The following PTPRD variants were observed in gnomAD, a reference collection of about 807,000 sequenced individuals.
PTPRD encodes the protein receptor-type tyrosine-protein phosphatase delta.
In PTPRD, 34 loss-of-function variants were observed where a neutral mutation model predicts 214.5. The observed-to-expected ratio is 0.16, with a 90% CI of 0.12 to 0.21. The LOEUF is 0.21. PTPRD is among the 10% of genes least tolerant of loss of function. The probability of loss-of-function intolerance (pLI) is 1.00; values close to 1 mark genes in which losing one functional copy is unlikely to be tolerated. For missense variants in PTPRD, 2,545 were observed against 2,398.7 expected, an observed-to-expected ratio of 1.06 and a Z score of -1.27; for synonymous variants, 1,128 against 845.7, an observed-to-expected ratio of 1.33 and a Z score of -5.79.
At chr9:8,329,416 G>T (rs1462625306) in intron 44 of PTPRD, among the ~76,000 whole-genome samples, 2 of 152,124 alleles carry the variant, frequency 1.3e-5, no homozygotes, top group East Asian at 3.9e-4. Flanking sequence ...CCTGCCAGAT[G>T]CCAGCCAGTG....
chr9:10,441,362 A>G (rs2098757234), intron 2 of PTPRD, among the ~76,000 whole-genome samples: 1 of 151,696 alleles, frequency 6.6e-6, no homozygotes, highest in Non-Finnish European at 1.5e-5. Context: ...CAGGCAGTAT[A>G]GGCATTCTGA....
intron 12 of PTPRD, chr9:8,713,168 A>T (rs557947765): frequency 3.6e-6 from 2 of 561,560 alleles, no homozygotes; most frequent in Admixed American, 6.5e-5. Context: ...CTCCTGCATA[A>T]CTGTCAGTGC....
chr9:10,132,518 C>T (rs1368911714), intron 3 of PTPRD, among the ~76,000 whole-genome samples: 2 of 151,852 alleles, frequency 1.3e-5, no homozygotes, highest in East Asian at 1.9e-4. Flanking sequence ...ATACAGAATG[C>T]TTCTTAAGAA....
chr9:8,526,566 G>C, intron 17 of PTPRD, 61 bp downstream of exon 17: 1 of 1,420,954 alleles, frequency 7.0e-7, no homozygotes, highest in South Asian at 1.5e-5. Flanking sequence ...AAGATGAGAG[G>C]GATGAAAGGA....
At chr9:10,122,790 T>C (rs894681709) in intron 3 of PTPRD, among the ~76,000 whole-genome samples, 5 of 152,194 alleles carry the variant, frequency 3.3e-5, no homozygotes, top group East Asian at 1.9e-4. Context: ...CTAAACCATA[T>C]TGACACCTTC....
chr9:9,178,727 T>A (rs568450670), intron 10 of PTPRD, among the ~76,000 whole-genome samples: 40 of 152,194 alleles, frequency 2.6e-4, no homozygotes, highest in African/African-American at 9.1e-4. Context: ...TAGTAAATCA[T>A]TTCAATAAGT....
At chr9:9,172,112 T>G (rs376469733) in intron 10 of PTPRD, among the ~76,000 whole-genome samples, 18 of 152,146 alleles carry the variant, frequency 1.2e-4, no homozygotes, top group African/African-American at 4.3e-4. Flanking sequence ...GTACACTAAG[T>G]ATTCTCTAAG....
intron 21 of PTPRD, among the ~76,000 whole-genome samples, chr9:8,513,167 A>G (rs1481748206): frequency 6.6e-6 from 1 of 152,062 alleles, no homozygotes; most frequent in East Asian, 1.9e-4. Flanking sequence ...TATTTCAGAA[A>G]ATAATCATCT....
At chr9:10,531,544 T>TG (rs1335859866) in intron 2 of PTPRD, among the ~76,000 whole-genome samples, 3 of 152,196 alleles carry the variant, frequency 2.0e-5, no homozygotes, top group African/African-American at 7.2e-5. Context: ...GAAAAAGACT[T>TG]GAAATTTGCT....
chr9:9,203,878 T>C (rs1417830288), intron 9 of PTPRD, among the ~76,000 whole-genome samples: 1 of 152,120 alleles, frequency 6.6e-6, no homozygotes, highest in Non-Finnish European at 1.5e-5. Flanking sequence ...CTAATTTGAG[T>C]GTAGAGTATG....
intron 11 of PTPRD, chr9:8,958,862 G>C (rs1443855488): frequency 1.3e-5 from 2 of 151,874 alleles, no homozygotes; most frequent in Non-Finnish European, 2.9e-5. Flanking sequence ...AGATAATAGA[G>C]AACAGCCATT....
At chr9:9,509,563 T>C in intron 8 of PTPRD, among the ~76,000 whole-genome samples, 1 of 151,588 alleles carries the variant, frequency 6.6e-6, no homozygotes, top group Non-Finnish European at 1.5e-5. Flanking sequence ...TTTTCCCACA[T>C]ATGATTCCAT....
intron 2 of PTPRD, among the ~76,000 whole-genome samples, chr9:10,450,269 A>C (rs2098831941): frequency 6.6e-6 from 1 of 151,490 alleles, no homozygotes; most frequent in Non-Finnish European, 1.5e-5. Context: ...AATAAACATA[A>C]ATAAATAAAA....
chr9:10,498,671 G>C (rs1024194232), intron 2 of PTPRD, among the ~76,000 whole-genome samples: 9 of 151,926 alleles, frequency 5.9e-5, no homozygotes, highest in African/African-American at 2.2e-4. Context: ...AGAACAATTG[G>C]TGTTGTATAT....
At chr9:9,763,424 A>G (rs77374784) in intron 6 of PTPRD, among the ~76,000 whole-genome samples, 7,666 of 151,580 alleles carry the variant, frequency 0.051, 296 homozygotes, top group South Asian at 0.11. Flanking sequence ...GTATGGTATT[A>G]TAATATTATT....
At chr9:9,149,368 G>A (rs1470027130) in intron 10 of PTPRD, among the ~76,000 whole-genome samples, 1 of 152,112 alleles carries the variant, frequency 6.6e-6, no homozygotes, top group Non-Finnish European at 1.5e-5. Context: ...TGGTGGTAAG[G>A]CAACAAAGAT....
At chr9:10,256,697 C>T (rs758570086) in intron 3 of PTPRD, among the ~76,000 whole-genome samples, 6 of 152,096 alleles carry the variant, frequency 3.9e-5, no homozygotes, top group African/African-American at 7.2e-5. Flanking sequence ...TAAGTGACTG[C>T]CTTTGCCACT....
chr9:9,663,879 T>C (rs962714714), intron 7 of PTPRD, among the ~76,000 whole-genome samples: 3 of 151,550 alleles, frequency 2.0e-5, no homozygotes, highest in African/African-American at 7.2e-5. Flanking sequence ...AAATTAATCT[T>C]ATTACTAGTG....
intron 2 of PTPRD, among the ~76,000 whole-genome samples, chr9:10,484,169 T>G (rs1283636869): frequency 6.6e-6 from 1 of 152,066 alleles, no homozygotes; most frequent in African/African-American, 2.4e-5. Context: ...ACTGGATTCT[T>G]TAATCTAAGA....
Sources: allele counts gnomAD v4.1 joint callset (sites outside exome capture counted in the v4.1 genomes callset), GRCh38; gene constraint gnomAD v4.1.1; transcripts MANE v1.5; gene names NCBI Gene and HGNC (gene_info 2026-07-23, HGNC 2026-07-21).